Variants in PTTG1IP2 observed in about 807,000 individuals in gnomAD.
PTTG1IP2 encodes the protein PTTG1IP family member 2.
chr7:90,492,081 TG>T (rs2116086780), intron 4 of PTTG1IP2, among the ~76,000 whole-genome samples, 157 bp from the exon 5 acceptor site: 1 of 152,132 alleles, frequency 6.6e-6, no homozygotes, highest in African/African-American at 2.4e-5. Context: ...CAGTGAGCTG[TG>T]ATCGTGCCAC....
intron 1 of PTTG1IP2, among the ~76,000 whole-genome samples, chr7:90,478,627 A>G (rs1259545640): frequency 1.3e-5 from 2 of 152,234 alleles, no homozygotes; most frequent in East Asian, 1.9e-4. Flanking sequence ...CAACTAGGAC[A>G]TTAATTCCAG....
At chr7:90,486,343 C>T (rs1457109054) in intron 2 of PTTG1IP2, among the ~76,000 whole-genome samples, 6 of 150,784 alleles carry the variant, frequency 4.0e-5, no homozygotes, top group African/African-American at 1.5e-4. Context: ...ATAATAGTAC[C>T]TAGATCACCG....
At chr7:90,499,272 T>C (rs570315625) in intron 6 of PTTG1IP2, among the ~76,000 whole-genome samples, 2 of 152,350 alleles carry the variant, frequency 1.3e-5, no homozygotes, top group South Asian at 2.1e-4. Context: ...GAGTCTAGAG[T>C]TTGCAGAAGT....
chr7:90,484,052 C>T (rs529722665), intron 2 of PTTG1IP2, among the ~76,000 whole-genome samples: 91 of 151,720 alleles, frequency 6.0e-4, no homozygotes, highest in African/African-American at 2.1e-3. Context: ...TTTTAAATCA[C>T]ATCATGCTCA....
chr7:90,501,371 C>G (rs1448082243), intron 6 of PTTG1IP2, among the ~76,000 whole-genome samples: 3 of 152,062 alleles, frequency 2.0e-5, no homozygotes, highest in Non-Finnish European at 4.4e-5. Flanking sequence ...ACATACATAC[C>G]TTTATTAAAA....
chr7:90,509,278 T>C (rs541145587), intron 6 of PTTG1IP2, among the ~76,000 whole-genome samples: 82 of 152,106 alleles, frequency 5.4e-4, no homozygotes, highest in Non-Finnish European at 1.1e-3. Context: ...AGGCATTAAA[T>C]TGAGCACAGA....
chr7:90,510,332 A>G (rs1798173514), intron 6 of PTTG1IP2, among the ~76,000 whole-genome samples: 1 of 152,222 alleles, frequency 6.6e-6, no homozygotes, highest in Non-Finnish European at 1.5e-5. Flanking sequence ...ACTCCTTATA[A>G]TTTTGTGGTA....
chr7:90,501,564 G>A (rs1397499421), intron 6 of PTTG1IP2, among the ~76,000 whole-genome samples: 1 of 152,086 alleles, frequency 6.6e-6, no homozygotes, highest in Non-Finnish European at 1.5e-5. Flanking sequence ...TAGCTACTTG[G>A]GAGGCTGGGG....
At chr7:90,507,588 T>G (rs182039908) in intron 6 of PTTG1IP2, among the ~76,000 whole-genome samples, 11 of 152,168 alleles carry the variant, frequency 7.2e-5, no homozygotes, top group Admixed American at 3.9e-4. Flanking sequence ...CCAGGCAAGA[T>G]AGGGCCATGA....
intron 6 of PTTG1IP2, among the ~76,000 whole-genome samples, chr7:90,498,088 C>T (rs1382080233): frequency 9.9e-5 from 15 of 151,906 alleles, no homozygotes; most frequent in Admixed American, 7.9e-4. Context: ...TGCAGTGGCA[C>T]GATCTCGGCT....
intron 6 of PTTG1IP2, among the ~76,000 whole-genome samples, chr7:90,497,424 C>A (rs949499658): frequency 1.3e-5 from 2 of 151,766 alleles, no homozygotes; most frequent in Admixed American, 1.3e-4. Context: ...ATTAGCCGGG[C>A]GTGGCGGCGG....
At chr7:90,504,405 AGAGAT>A (rs1480486754) in intron 6 of PTTG1IP2, among the ~76,000 whole-genome samples, 3 of 152,214 alleles carry the variant, frequency 2.0e-5, no homozygotes, top group African/African-American at 7.2e-5. Context: ...TAGAACAGTA[AGAGAT>A]AAGTTTAAAT....
chr7:90,475,269 G>A (rs1250163339), intron 1 of PTTG1IP2, among the ~76,000 whole-genome samples: 1 of 152,174 alleles, frequency 6.6e-6, no homozygotes, highest in Non-Finnish European at 1.5e-5. Context: ...AATTGACTAT[G>A]TTACCAGATA....
chr7:90,501,312 G>A (rs756365303), intron 6 of PTTG1IP2, among the ~76,000 whole-genome samples: 24 of 152,074 alleles, frequency 1.6e-4, no homozygotes, highest in Middle Eastern at 3.4e-3. Context: ...TTATGTTTAC[G>A]CTATACTGTA....
chr7:90,503,965 G>A (rs542317278), intron 6 of PTTG1IP2, among the ~76,000 whole-genome samples: 1 of 152,228 alleles, frequency 6.6e-6, no homozygotes, highest in South Asian at 2.1e-4. Context: ...CTAAATTGAA[G>A]TGCAATAAAA....
At chr7:90,491,177 A>G (rs1797933881) in intron 4 of PTTG1IP2, among the ~76,000 whole-genome samples, 1 of 152,264 alleles carries the variant, frequency 6.6e-6, no homozygotes, top group Non-Finnish European at 1.5e-5. Context: ...AAATTAAAGC[A>G]CTTTAAAAAG....
chr7:90,495,919 T>C (rs887901912), intron 6 of PTTG1IP2, among the ~76,000 whole-genome samples: 1 of 152,184 alleles, frequency 6.6e-6, no homozygotes, highest in Admixed American at 6.5e-5. Context: ...TTATAGAAAC[T>C]TTTTAGAAGG....
rs553736945 is a variant in PTTG1IP2 at position 90,499,186 on chromosome 7, G to A, written c.*50+4756G>A. ...AATTTTTAAGTTTAAGCAGAATAAA[G>A]ATGAGTTATTTATTTTAACTTGTGC... On this transcript the variant is annotated intron_variant, in intron 6 of 6. Coordinates refer to ENST00000509356, the MANE Select transcript of PTTG1IP2 (RefSeq NM_001365443.2). Among the ~76,000 whole-genome samples the A allele has an allele frequency of 2.6e-5, 4 of 152,278 alleles. No homozygotes were observed. The South Asian group carries it at 8.3e-4, about 32-fold the overall frequency.
At chr7:90,500,846 G>C (rs1798053870) in intron 6 of PTTG1IP2, among the ~76,000 whole-genome samples, 1 of 152,178 alleles carries the variant, frequency 6.6e-6, no homozygotes, top group Admixed American at 6.5e-5. Flanking sequence ...GTTCCTGAAA[G>C]GAATATCTGT....
Sources: gnomAD v4.1 joint callset for allele counts (sites outside exome capture counted in the v4.1 genomes callset) on GRCh38, gnomAD v4.1.1 for gene constraint, MANE v1.5 for transcripts, NCBI Gene and HGNC (gene_info 2026-07-23, HGNC 2026-07-21) for gene names.